The following NIPBL variants were observed in gnomAD, a reference collection of about 807,000 sequenced individuals.
NIPBL encodes NIPBL cohesin loading factor.
NIPBL carries 19 observed loss-of-function variants against 321.8 expected under a neutral mutation model. The observed-to-expected ratio is 0.06, with a 90% CI of 0.04 to 0.09. NIPBL has a LOEUF of 0.09. Ranked by LOEUF, NIPBL falls within the 10% of genes least tolerant of loss-of-function variation. The pLI, the probability that NIPBL is intolerant of heterozygous loss-of-function variation, is 1.00. For missense variants in NIPBL, 2,210 were observed against 3,327.0 expected, an observed-to-expected ratio of 0.66 and a Z score of 8.26; for synonymous variants, 1,106 against 1,114.1, an observed-to-expected ratio of 0.99 and a Z score of 0.14.
At chr5:36,982,263 A>G (rs1427789596) in intron 9 of NIPBL, 14 of 957,630 alleles carry the variant, frequency 1.5e-5, no homozygotes, top group Non-Finnish European at 1.6e-5. Context: ...CTTCATAGAG[A>G]TGGCTTTCCA....
chr5:36,884,400 C>T lies in NIPBL; in HGVS notation c.-80+7222C>T, dbSNP rs149832571. On this transcript the variant is annotated intron_variant, in intron 1 of 46. Transcript: ENST00000282516. ...TGAAAATATATATTTGTGTATTGTT[C>T]CCACTTCTATAGACATATATTACTT... 1.3e-3 allele frequency among the ~76,000 whole-genome samples: 198 copies of T among 152,212 alleles called. 2 individuals are homozygous for T. Among genetic ancestry groups the T allele is most frequent in the African/African-American group, 4.6e-3 (190 of 41,526 alleles).
intron 32 of NIPBL, among the ~76,000 whole-genome samples, chr5:37,032,636 A>AT (rs1751197383): frequency 6.6e-6 from 1 of 151,968 alleles, no homozygotes; most frequent in Non-Finnish European, 1.5e-5. Flanking sequence ...TTAACTGGGC[A>AT]TTGTGGCCTG....
At chr5:36,908,163 A>G (rs938855236) in intron 1 of NIPBL, among the ~76,000 whole-genome samples, 8 of 152,198 alleles carry the variant, frequency 5.3e-5, no homozygotes, top group Non-Finnish European at 1.0e-4. Context: ...ATCTGTCACT[A>G]TGTAACATGT....
intron 42 of NIPBL, 135 bp from the exon 43 acceptor site, chr5:37,057,051 T>G: frequency 1.2e-6 from 1 of 809,050 alleles, no homozygotes; most frequent in Non-Finnish European, 2.0e-6. Context: ...CTCCCCACTC[T>G]CTCCGTGTGT....
chr5:36,984,741 A>T lies in NIPBL; in HGVS notation c.1561A>T (p.Asn521Tyr). The T allele has an allele frequency of 6.2e-7, 1 of 1,613,724 alleles. No individual in the cohort carries two copies. The highest frequency in any genetic ancestry group is 8.5e-7 in the Non-Finnish European group (1 of 1,179,744). The part of the protein sequence containing the change: ...PQEAGGATGG[N>Y]RPASQETGST... ...GGAGGCTGGGGGTGCTACAGGAGGT[A>T]ATAGACCAGCTTCTCAGGAGACGGG... The change falls in exon 10 of 47, where the codon AAT (asparagine) becomes TAT (tyrosine). Residue 521 changes from asparagine (N) to tyrosine (Y), a missense_variant. By Grantham distance (143) the Asn-to-Tyr change is moderately radical. Transcript: ENST00000282516.
At chr5:36,929,271 TTA>T (rs1263833369) in intron 1 of NIPBL, among the ~76,000 whole-genome samples, 1 of 152,118 alleles carries the variant, frequency 6.6e-6, no homozygotes, top group Non-Finnish European at 1.5e-5. Context: ...GCACTTTTTT[TTA>T]TATGTTTATA....
rs1749699491 is a variant in NIPBL, at chr5:37,021,950, G to A, written c.5329-101G>A. On this transcript the variant is annotated intron_variant, in intron 27 of 46. Coordinates refer to ENST00000282516, the MANE Select transcript of NIPBL (RefSeq NM_133433.4). ...CTCATTTATATACAGATTAAAGAGA[G>A]GTAAATAATAGATTTGTTTTCTTTT... 6.9e-6 allele frequency: 6 copies of A among 864,256 alleles called. No homozygotes were observed. In the South Asian group the frequency reaches 8.7e-5, roughly 13 times the overall value. The allele number at this position is 864,256 out of a possible 1,614,324, so 53.5% of individuals were successfully genotyped here.
chr5:37,020,087 GTCT>G (rs1749453519), intron 25 of NIPBL, among the ~76,000 whole-genome samples: 1 of 152,142 alleles, frequency 6.6e-6, no homozygotes, highest in African/African-American at 2.4e-5. Flanking sequence ...AACAGATGAA[GTCT>G]TCTACCTTCA....
intron 38 of NIPBL, among the ~76,000 whole-genome samples, chr5:37,047,025 A>G (rs1305409098): frequency 1.3e-5 from 2 of 152,144 alleles, no homozygotes; most frequent in East Asian, 1.9e-4. Context: ...TTTTTTTGTT[A>G]TTATTCTCTA....
intron 1 of NIPBL, among the ~76,000 whole-genome samples, chr5:36,937,129 G>C (rs950249626): frequency 6.6e-6 from 1 of 152,040 alleles, no homozygotes; most frequent in Non-Finnish European, 1.5e-5. Flanking sequence ...TTAAAATTTG[G>C]AATCTTGGTC....
chr5:37,059,429 C>T (rs1579607221), intron 44 of NIPBL, among the ~76,000 whole-genome samples: 1 of 152,256 alleles, frequency 6.6e-6, no homozygotes, highest in East Asian at 1.9e-4. Context: ...ATCGCTTAAA[C>T]CTGGGAGGCG....
At chr5:37,056,387 G>A (rs1199153550) in intron 42 of NIPBL, among the ~76,000 whole-genome samples, 1 of 151,416 alleles carries the variant, frequency 6.6e-6, no homozygotes, top group African/African-American at 2.4e-5. Context: ...TTTTTTCCTT[G>A]AGCTATAAAT....
chr5:36,995,391 G>A (rs1746021107), intron 10 of NIPBL: 1 of 380,164 alleles, frequency 2.6e-6, no homozygotes, highest in Non-Finnish European at 4.7e-6. Flanking sequence ...TCATTTTTAT[G>A]GTGGTGTCAT....
At chr5:36,928,072 G>C (rs1173680202) in intron 1 of NIPBL, among the ~76,000 whole-genome samples, 7 of 152,100 alleles carry the variant, frequency 4.6e-5, no homozygotes, top group Non-Finnish European at 1.5e-5. Context: ...CAGGAGACTG[G>C]GAAGCTTTGC....
At chr5:36,893,616 G>A (rs1316766985) in intron 1 of NIPBL, among the ~76,000 whole-genome samples, 1 of 151,890 alleles carries the variant, frequency 6.6e-6, no homozygotes, top group African/African-American at 2.4e-5. Context: ...GTTCAGCAAT[G>A]AATACTAGAT....
At chr5:36,931,123 A>T (rs1178787509) in intron 1 of NIPBL, among the ~76,000 whole-genome samples, 1 of 152,088 alleles carries the variant, frequency 6.6e-6, no homozygotes, top group African/African-American at 2.4e-5. Context: ...CATTGGTGAG[A>T]TCGTCTGTGC....
At chr5:36,960,406 G>A (rs1486724036) in intron 4 of NIPBL, among the ~76,000 whole-genome samples, 1 of 150,812 alleles carries the variant, frequency 6.6e-6, no homozygotes, top group African/African-American at 2.4e-5. Flanking sequence ...AATAATTATA[G>A]TAATTAAGCT....
Position 36,985,344 on chromosome 5 carries a change from C to A in NIPBL, c.2164C>A (p.Pro722Thr), listed in dbSNP as rs763732540. ...ETPKQKSDGHPETPKQKGDGR... is the reference protein window; with the variant it reads ...ETPKQKSDGHTETPKQKGDGR... ...TCCAAAACAAAAGAGTGATGGGCAT[C>A]CTGAAACCCCAAAACAGAAGGGTGA... is the stretch of plus-strand genomic sequence containing the variant. The change falls in exon 10 of 47, where the codon CCT becomes ACT. Residue 722 changes from proline (P) to threonine (T), a missense_variant. Pro to Thr is a conservative substitution (Grantham distance 38, BLOSUM62 -1). This residue lies in a region of NIPBL where 588 missense variants were observed against 564.1 expected (regional missense o/e 1.04). Coordinates refer to ENST00000282516, the MANE Select transcript of NIPBL (RefSeq NM_133433.4). 11 of 1,613,596 alleles carry A rather than the reference C, an allele frequency of 6.8e-6. No individual in the cohort carries two copies. The highest frequency in any genetic ancestry group is 5.5e-5 in the South Asian group (5 of 91,066).
chr5:37,011,084 G>C (rs2149682756), intron 21 of NIPBL, among the ~76,000 whole-genome samples: 1 of 152,164 alleles, frequency 6.6e-6, no homozygotes, highest in Admixed American at 6.5e-5. Context: ...TCCCTAATAG[G>C]TAGCTCATGC....
Sources: gnomAD v4.1 joint callset for allele counts (sites outside exome capture counted in the v4.1 genomes callset) on GRCh38, gnomAD v4.1.1 for gene constraint, gnomAD v4.1.1 regional missense constraint, MANE v1.5 for transcripts, NCBI Gene and HGNC (gene_info 2026-07-23, HGNC 2026-07-21) for gene names.